RRP15: variants seen among roughly 807,000 people sequenced by gnomAD.
The protein encoded by RRP15 is RRP15-like protein.
RRP15 carries 18 observed loss-of-function variants against 27.1 expected under a neutral mutation model. That is an observed-to-expected ratio of 0.66 (90% CI 0.46 to 0.98). RRP15 has a LOEUF of 0.98. RRP15 is among the 50% of genes least tolerant of loss of function. The probability of loss-of-function intolerance (pLI) is 0.00; values close to 1 mark genes in which losing one functional copy is unlikely to be tolerated. For missense variants in RRP15, 359 were observed against 337.8 expected, an observed-to-expected ratio of 1.06 and a Z score of -0.49; for synonymous variants, 107 against 109.4, an observed-to-expected ratio of 0.98 and a Z score of 0.14.
Position 218,331,454 on chromosome 1 carries a change from T to C in RRP15, c.*363T>C, listed in dbSNP as rs1656367414. The stretch of plus-strand genomic sequence containing the variant: ...ATCATTAAACTCTTTGAAGTTAATA[T>C]TTTTCTGCCTTCTAACTTATAGACT... On this transcript the variant is annotated 3_prime_UTR_variant, in exon 5 of 5. Coordinates refer to ENST00000366932, the MANE Select transcript of RRP15 (RefSeq NM_016052.4). 1 of 155,336 alleles carries C rather than the reference T, an allele frequency of 6.4e-6. No homozygotes were observed. The highest frequency in any genetic ancestry group is 6.4e-5 in the Admixed American group (1 of 15,542). 9.6% of individuals were successfully genotyped at this position (155,336 alleles called of 1,614,324 possible).
rs1655920907 is a variant in RRP15, at chr1:218,307,620, A to G, written c.693A>G (p.Pro231=). ...TNETASSRKK[P]KAKQTEVKSE... The stretch of plus-strand genomic sequence containing the variant: ...AGACTGCTTCAAGCAGGAAGAAACC[A>G]AAAGCCAAACAGGTAAAAACTTTTC... The change falls in exon 4 of 5, where the codon CCA becomes CCG. Residue 231 remains proline (P), a synonymous_variant. Transcript: ENST00000366932. 4 of 1,613,146 alleles carry G rather than the reference A, an allele frequency of 2.5e-6. No homozygotes were observed. The highest frequency in any genetic ancestry group is 3.4e-6 in the Non-Finnish European group (4 of 1,179,534).
Position 218,331,129 on chromosome 1 carries a change from T to G in RRP15, c.*38T>G, listed in dbSNP as rs543646888. On this transcript the variant is annotated 3_prime_UTR_variant, in exon 5 of 5. Transcript: ENST00000366932. ...AATACAATTGCAGTCGTTTTATTTTTTCTAGAAAAATATGTCATCCTCTGA... is the reference window on the plus strand; with the variant it reads ...AATACAATTGCAGTCGTTTTATTTTGTCTAGAAAAATATGTCATCCTCTGA... 2.5e-6 allele frequency: 4 copies of G among 1,571,950 alleles called. No individual in the cohort carries two copies. The highest frequency in any genetic ancestry group is 3.5e-6 in the Non-Finnish European group (4 of 1,156,178).
chr1:218,326,246 C>T (rs755256743), intron 4 of RRP15, among the ~76,000 whole-genome samples: 8 of 152,158 alleles, frequency 5.3e-5, no homozygotes, highest in Non-Finnish European at 8.8e-5. Context: ...GTGGAGGTTG[C>T]AGTGAGCCAA....
chr1:218,301,744 A>G (rs549783494), intron 1 of RRP15: 1 of 152,164 alleles, frequency 6.6e-6, no homozygotes, highest in East Asian at 1.9e-4. Flanking sequence ...TTCTAATGTT[A>G]TATGCAAATT....
chr1:218,324,302 G>A (rs1360748359), intron 4 of RRP15, among the ~76,000 whole-genome samples: 1 of 152,200 alleles, frequency 6.6e-6, no homozygotes, highest in Non-Finnish European at 1.5e-5. Context: ...ACGCTCTGGG[G>A]GCTGGCCCCT....
chr1:218,308,557 T>A (rs1195041062), intron 4 of RRP15, among the ~76,000 whole-genome samples: 2 of 152,140 alleles, frequency 1.3e-5, no homozygotes, highest in Non-Finnish European at 2.9e-5. Flanking sequence ...CTGTCATAAA[T>A]TTTTTTGTTT....
intron 2 of RRP15, among the ~76,000 whole-genome samples, chr1:218,304,103 T>TAGGA (rs1209490258): frequency 6.6e-6 from 1 of 152,220 alleles, no homozygotes; most frequent in African/African-American, 2.4e-5. Flanking sequence ...GCTATCAGGC[T>TAGGA]AATCTTTATA....
chr1:218,326,761 G>T (rs1321474635), intron 4 of RRP15, among the ~76,000 whole-genome samples: 2 of 152,068 alleles, frequency 1.3e-5, no homozygotes, highest in East Asian at 1.9e-4. Context: ...CCCATTTTTG[G>T]TTCTATACCT....
intron 1 of RRP15, among the ~76,000 whole-genome samples, chr1:218,291,909 C>T (rs117617757): frequency 0.029 from 4,440 of 151,322 alleles, 86 homozygotes; most frequent in East Asian, 0.072. Flanking sequence ...ATAATCAGAG[C>T]TCTCTGCAGT....
intron 1 of RRP15, among the ~76,000 whole-genome samples, chr1:218,295,592 T>C (rs982961466): frequency 6.6e-6 from 1 of 152,234 alleles, no homozygotes; most frequent in African/African-American, 2.4e-5. Flanking sequence ...TAAACTACAA[T>C]GCTGTATTTA....
chr1:218,301,387 A>C (rs866467473), intron 1 of RRP15: 1 of 152,232 alleles, frequency 6.6e-6, no homozygotes, highest in Admixed American at 6.5e-5. Context: ...AGATGCATGC[A>C]TGCAATGCTG....
intron 2 of RRP15, among the ~76,000 whole-genome samples, chr1:218,303,886 A>G (rs750414892): frequency 2.6e-5 from 4 of 152,246 alleles, no homozygotes; most frequent in Non-Finnish European, 4.4e-5. Flanking sequence ...ATTTCTAATC[A>G]TAAATACAAA....
chr1:218,307,447 T>G lies in RRP15; in HGVS notation c.520T>G (p.Phe174Val), dbSNP rs1378327783. 1 of 1,613,682 alleles carries G rather than the reference T, an allele frequency of 6.2e-7. No individual in the cohort carries two copies. Among genetic ancestry groups the G allele is most frequent in the Non-Finnish European group, 8.5e-7 (1 of 1,179,800 alleles). ...RIATRGVVQLFNAVQKHQKNV... is the reference protein window; with the variant it reads ...RIATRGVVQLVNAVQKHQKNV... ...ATTCTACAGGGGTGTGGTGCAATTA[T>G]TTAATGCTGTTCAGAAACATCAAAA... Residue 174 changes from phenylalanine to valine, a missense_variant, in exon 4 of 5, where the codon TTT becomes GTT. Transcript: ENST00000366932.
Position 218,302,278 on chromosome 1 carries a change from C to G in RRP15, c.140-16C>G. 1 of 1,596,634 alleles carries G rather than the reference C, an allele frequency of 6.3e-7. No individual in the cohort carries two copies. The highest frequency in any genetic ancestry group is 1.3e-5 in the African/African-American group (1 of 74,352). The stretch of plus-strand genomic sequence containing the variant: ...GATATTAAAGTTTAATTTGCCTTTA[C>G]TCTTTGGTTCTATAGGAAGCTGTGG... On this transcript the variant is annotated splice_polypyrimidine_tract_variant and intron_variant, in intron 1 of 4. Transcript: ENST00000366932.
intron 1 of RRP15, among the ~76,000 whole-genome samples, chr1:218,293,918 A>AT (rs1370238243): frequency 1.3e-5 from 2 of 152,052 alleles, no homozygotes; most frequent in African/African-American, 4.8e-5. Context: ...TCTTAACATG[A>AT]TTTTTTTAAT....
At chr1:218,306,018 C>T (rs1395842766) in intron 3 of RRP15, among the ~76,000 whole-genome samples, 3 of 152,094 alleles carry the variant, frequency 2.0e-5, no homozygotes, top group South Asian at 4.1e-4. Flanking sequence ...TGGATTAATA[C>T]ATATACAGAA....
intron 1 of RRP15, among the ~76,000 whole-genome samples, chr1:218,286,563 A>G (rs532985283): frequency 5.5e-4 from 83 of 151,954 alleles, no homozygotes; most frequent in Non-Finnish European, 9.7e-4. Flanking sequence ...GCCCTGCTTT[A>G]TTTTTTCTCA....
intron 4 of RRP15, among the ~76,000 whole-genome samples, chr1:218,309,682 CAAAAAAA>C (rs751452477): frequency 4.4e-3 from 100 of 22,520 alleles, no homozygotes; most frequent in Non-Finnish European, 9.5e-3. Flanking sequence ...GACTCCATCT[CAAAAAAA>C]AAAAAAAAAA....
chr1:218,324,044 A>G (rs1011499717), intron 4 of RRP15, among the ~76,000 whole-genome samples: 4 of 151,646 alleles, frequency 2.6e-5, no homozygotes, highest in Non-Finnish European at 5.9e-5. Flanking sequence ...CCTGCTCCCA[A>G]CTCCCACCAG....
Sources: gnomAD v4.1 joint callset for allele counts (sites outside exome capture counted in the v4.1 genomes callset) on GRCh38, gnomAD v4.1.1 for gene constraint, MANE v1.5 for transcripts, NCBI Gene and HGNC (gene_info 2026-07-23, HGNC 2026-07-21) for gene names.